CSMD1: variants seen among roughly 807,000 people sequenced by gnomAD.
CSMD1 encodes CUB and sushi domain-containing protein 1.
CSMD1 carries 213 observed loss-of-function variants against 417.5 expected under a neutral mutation model. The ratio of observed to expected loss-of-function variants is 0.51; its 90% confidence interval spans 0.46 to 0.57. CSMD1 has a LOEUF of 0.57. Ranked by LOEUF, CSMD1 falls within the 20% of genes least tolerant of loss-of-function variation. CSMD1 has a pLI of 0.00. For missense variants in CSMD1, 6,923 were observed against 4,529.7 expected, an observed-to-expected ratio of 1.53 and a Z score of -15.17; for synonymous variants, 2,862 against 1,736.8, an observed-to-expected ratio of 1.65 and a Z score of -16.11.
At position 3,272,289 on chromosome 8, in the gene CSMD1, T is replaced by A. The variant is rs575526127; in HGVS notation, c.4153+11855A>T. Among the ~76,000 whole-genome samples the A allele has an allele frequency of 1.6e-4, 23 of 145,406 alleles. 2 individuals carry two copies. Among genetic ancestry groups the A allele is most frequent in the African/African-American group, 5.8e-4 (23 of 39,416 alleles). On this transcript the variant is annotated intron_variant, in intron 26 of 69. Transcript: ENST00000635120. ...GGCTCTGTTCTATTCCATTGATCTA[T>A]ATCTCTGTTTTGGTACCAGTACCAT...
intron 5 of CSMD1, among the ~76,000 whole-genome samples, chr8:3,755,170 G>A (rs774335538): frequency 6.6e-6 from 1 of 152,178 alleles, no homozygotes; most frequent in East Asian, 1.9e-4. Flanking sequence ...GACACATTTA[G>A]TTTTTCAGTG....
At chr8:3,697,201 C>G (rs1260545211) in intron 7 of CSMD1, among the ~76,000 whole-genome samples, 1 of 152,106 alleles carries the variant, frequency 6.6e-6, no homozygotes, top group African/African-American at 2.4e-5. Flanking sequence ...CAAGTCTGGG[C>G]AAAACTTATT....
At chr8:4,941,413 G>C (rs1333999623) in intron 1 of CSMD1, among the ~76,000 whole-genome samples, 1 of 152,090 alleles carries the variant, frequency 6.6e-6, no homozygotes. Context: ...GTGACATTCT[G>C]TACCAACAGT....
At position 4,964,501 on chromosome 8, in the gene CSMD1, CCAAAAAAAA is replaced by C. The variant is rs1273834497; in HGVS notation, c.85+29822_85+29830del. On this transcript the variant is annotated intron_variant, in intron 1 of 69. Coordinates refer to ENST00000635120, the MANE Select transcript of CSMD1 (RefSeq NM_033225.6). ...ATCACAACACAGCAAGACCCTGTCT[CCAAAAAAAA>C]AAAAAAAAAAAAAAAGGAAGGAAGG... is the stretch of plus-strand genomic sequence containing the variant. 3.7e-5 allele frequency among the ~76,000 whole-genome samples: 3 copies of C among 81,062 alleles called. 1 individual carries two copies. The highest frequency in any genetic ancestry group is 9.8e-4 in the South Asian group (2 of 2,032). The allele number at this position is 81,062 out of a possible 152,430, so 53.2% of individuals were successfully genotyped here.
At chr8:4,240,323 G>C (rs950303088) in intron 3 of CSMD1, among the ~76,000 whole-genome samples, 2 of 152,166 alleles carry the variant, frequency 1.3e-5, no homozygotes, top group Non-Finnish European at 2.9e-5. Context: ...TAAACTTCTG[G>C]TGTTGCTGCA....
At chr8:4,145,596 A>T (rs1467673655) in intron 3 of CSMD1, among the ~76,000 whole-genome samples, 1 of 150,932 alleles carries the variant, frequency 6.6e-6, no homozygotes, top group African/African-American at 2.5e-5. Flanking sequence ...ACCATGTTGC[A>T]TGGGCTAGTG....
intron 3 of CSMD1, among the ~76,000 whole-genome samples, chr8:4,041,264 G>T (rs747546936): frequency 8.9e-4 from 133 of 149,332 alleles, no homozygotes; most frequent in Non-Finnish European, 1.4e-3. Flanking sequence ...TGATCCGCCC[G>T]CCTCGGCCTC....
At chr8:4,023,255 T>C (rs1006191943) in intron 4 of CSMD1, among the ~76,000 whole-genome samples, 1 of 152,178 alleles carries the variant, frequency 6.6e-6, no homozygotes, top group Admixed American at 6.5e-5. Context: ...CCGCTGCGCA[T>C]AAAAACATCT....
chr8:3,254,884 C>G (rs1163440796), intron 26 of CSMD1, among the ~76,000 whole-genome samples: 4 of 152,286 alleles, frequency 2.6e-5, no homozygotes, highest in African/African-American at 9.6e-5. Context: ...CAAAGTCATT[C>G]TCCATCCAGC....
At chr8:4,312,114 C>T (rs1000285416) in intron 3 of CSMD1, among the ~76,000 whole-genome samples, 2 of 151,892 alleles carry the variant, frequency 1.3e-5, no homozygotes, top group Non-Finnish European at 1.5e-5. Flanking sequence ...GTTATCAATA[C>T]CCCCCTTTTA....
chr8:3,011,875 G>A (rs1003646792), intron 52 of CSMD1, among the ~76,000 whole-genome samples: 16 of 152,182 alleles, frequency 1.1e-4, no homozygotes, highest in African/African-American at 1.4e-4. Context: ...GCAAACTACC[G>A]CAGAGAAGAT....
Position 3,230,033 on chromosome 8 carries a change from C to A in CSMD1, c.4345+7G>T. 2 of 1,567,748 alleles carry A rather than the reference C, an allele frequency of 1.3e-6. No individual in the cohort carries two copies. Among genetic ancestry groups the A allele is most frequent in the East Asian group, 2.3e-5 (1 of 43,840 alleles). ...ATATAAAATTTCTAAGTTCTGTTGT[C>A]TGATACCTATGCATGTAGGAGGGTC... On this transcript the variant is annotated splice_region_variant and intron_variant, in intron 27 of 69. Transcript: ENST00000635120.
chr8:4,061,485 G>T (rs56203285), intron 3 of CSMD1, among the ~76,000 whole-genome samples: 5,823 of 152,266 alleles, frequency 0.038, 352 homozygotes, highest in African/African-American at 0.12. Flanking sequence ...GGCAAAAGGA[G>T]TTTAAATAAA....
At chr8:4,749,079 C>T (rs941340034) in intron 1 of CSMD1, among the ~76,000 whole-genome samples, 3 of 152,196 alleles carry the variant, frequency 2.0e-5, no homozygotes, top group Non-Finnish European at 4.4e-5. Context: ...TGAGCGCACG[C>T]TCGCCTGCCC....
At chr8:4,201,112 G>T (rs985196384) in intron 3 of CSMD1, among the ~76,000 whole-genome samples, 3 of 152,124 alleles carry the variant, frequency 2.0e-5, no homozygotes, top group African/African-American at 7.2e-5. Context: ...GAGAATCAGT[G>T]ACTTTGCATA....
chr8:4,533,667 G>A (rs1178751529), intron 2 of CSMD1, among the ~76,000 whole-genome samples: 1 of 151,868 alleles, frequency 6.6e-6, no homozygotes, highest in East Asian at 1.9e-4. Flanking sequence ...ATTGCAAACT[G>A]AAGATTTTTA....
chr8:4,443,586 T>A (rs1322027966), intron 2 of CSMD1, among the ~76,000 whole-genome samples: 2 of 151,254 alleles, frequency 1.3e-5, no homozygotes, highest in African/African-American at 4.8e-5. Context: ...TAATATGCAT[T>A]TGCTTAAAAT....
Position 3,669,595 on chromosome 8 carries a change from A to G in CSMD1, c.1009+38819T>C, listed in dbSNP as rs76366988. 4.1e-3 allele frequency among the ~76,000 whole-genome samples: 624 copies of G among 152,346 alleles called. 4 individuals are homozygous for G. The highest frequency in any genetic ancestry group is 0.013 in the African/African-American group (557 of 41,584). On this transcript the variant is annotated intron_variant, in intron 7 of 69. Transcript: ENST00000635120. ...GCCTGAATGAGACTCTTCCGGACAG[A>G]AAATCACGACAGGGAAGACAAGCTG...
chr8:3,407,447 G>A (rs186345355), intron 14 of CSMD1, among the ~76,000 whole-genome samples: 330 of 151,954 alleles, frequency 2.2e-3, no homozygotes, highest in African/African-American at 7.6e-3. Context: ...AAGGATGGAT[G>A]GAAAGATGGA....
Sources: allele counts gnomAD v4.1 joint callset (sites outside exome capture counted in the v4.1 genomes callset), GRCh38; gene constraint gnomAD v4.1.1; transcripts MANE v1.5; gene names NCBI Gene and HGNC (gene_info 2026-07-23, HGNC 2026-07-21).